The following TG variants were observed in gnomAD, a reference collection of about 807,000 sequenced individuals.
TG encodes thyroglobulin.
A neutral mutation model predicts 324.7 loss-of-function variants in TG; 270 were observed. The ratio of observed to expected loss-of-function variants is 0.83; its 90% CI spans 0.75 to 0.92. The LOEUF (loss-of-function observed/expected upper bound fraction) is 0.92. Among genes scored for constraint, TG ranks in the 40% least tolerant of loss-of-function variants. TG has a pLI of 0.00. For missense variants in TG, 3,591 were observed against 3,456.4 expected, an observed-to-expected ratio of 1.04 and a Z score of -0.98; for synonymous variants, 1,401 against 1,327.0, an observed-to-expected ratio of 1.06 and a Z score of -1.21.
chr8:133,081,834 G>T (rs1404538529), intron 41 of TG, among the ~76,000 whole-genome samples: 2 of 152,194 alleles, frequency 1.3e-5, no homozygotes, highest in Non-Finnish European at 2.9e-5. Flanking sequence ...TGCTTGCTTT[G>T]CTCACTTCCT....
rs192720102 is a variant in TG at position 133,102,623 on chromosome 8, C to G, written c.7572+6250C>G. The G allele has an allele frequency of 4.2e-5, 63 of 1,509,536 alleles. No homozygotes were observed. In the East Asian group the frequency reaches 9.8e-4, roughly 24 times the overall value. The allele number at this position is 1,509,536 out of a possible 1,614,324, so 93.5% of individuals were successfully genotyped here. On this transcript the variant is annotated intron_variant, in intron 43 of 47. Transcript: ENST00000220616. ...ATGATCTTATTTTCTGAAGTAGCAG[C>G]TTTCTATTGAAATTCTTCATCAGTC...
At chr8:133,024,642 T>C (rs1339856853) in intron 40 of TG, among the ~76,000 whole-genome samples, 2 of 151,902 alleles carry the variant, frequency 1.3e-5, no homozygotes, top group Non-Finnish European at 2.9e-5. Flanking sequence ...CTCCCACTTA[T>C]GAATGAGAAC....
intron 35 of TG, among the ~76,000 whole-genome samples, chr8:132,998,051 G>A (rs1833047768): frequency 6.6e-6 from 1 of 152,170 alleles, no homozygotes; most frequent in South Asian, 2.1e-4. Flanking sequence ...GAGTGGGGCT[G>A]GGTTGGGGGT....
chr8:132,968,144 C>G (rs1828901679), intron 31 of TG, among the ~76,000 whole-genome samples, 174 bp downstream of exon 31: 1 of 152,102 alleles, frequency 6.6e-6, no homozygotes, highest in South Asian at 2.1e-4. Context: ...CAATAAACTA[C>G]TACGTAATTG....
In TG at chr8:133,055,824, C is replaced by CCAGCAGCAG. The variant is rs36210010; in HGVS notation, c.7239+25841_7239+25849dup. ...ATTCCCTTCCTCCCCCTCCTCATCA[C>CCAGCAGCAG]CAGCAGCAGCAGCAGCAGCAGCAGC... On this transcript the variant is annotated intron_variant, in intron 41 of 47. Transcript: ENST00000220616. Among the ~76,000 whole-genome samples the CCAGCAGCAG allele has an allele frequency of 7.0e-4, 105 of 150,882 alleles. No individual in the cohort carries two copies. In the South Asian group the frequency reaches 0.016, roughly 24 times the overall value.
intron 17 of TG, among the ~76,000 whole-genome samples, chr8:132,907,895 A>G (rs778386763): frequency 2.0e-5 from 3 of 152,296 alleles, no homozygotes; most frequent in South Asian, 2.1e-4. Context: ...CCCTGTCTGT[A>G]TGCAAGATGG....
chr8:133,075,713 G>A (rs1844765770), intron 41 of TG, among the ~76,000 whole-genome samples: 1 of 152,066 alleles, frequency 6.6e-6, no homozygotes, highest in Non-Finnish European at 1.5e-5. Context: ...AGTTATTGTG[G>A]TTTCTGCCAT....
At chr8:132,913,342 G>C in intron 20 of TG, 77 bp downstream of exon 20, 1 of 1,451,532 alleles carries the variant, frequency 6.9e-7, no homozygotes, top group Non-Finnish European at 9.6e-7. Context: ...GCACTGGAGA[G>C]AGGCTACTCT....
rs559940617 is a variant in TG, at chr8:133,111,784, A to G, written c.7573-1638A>G. On this transcript the variant is annotated intron_variant, in intron 43 of 47. Transcript: ENST00000220616. ...TCGCTGATATGATGAATATTCACAG[A>G]TTCACCATTCAGATCTCCCAATTTC... Among the ~76,000 whole-genome samples, 3 of 152,366 alleles carry G rather than the reference A, an allele frequency of 2.0e-5. No homozygotes were observed. The East Asian group carries it at 5.8e-4, about 29-fold the overall frequency.
At chr8:132,958,633 G>T (rs1827294053) in intron 27 of TG, among the ~76,000 whole-genome samples, 1 of 151,774 alleles carries the variant, frequency 6.6e-6, no homozygotes, top group Non-Finnish European at 1.5e-5. Context: ...CAGGAGAATT[G>T]CTTGAACCTG....
rs192822111 is a variant in TG at position 132,958,050 on chromosome 8, A to G, written c.5402-2958A>G. 4.4e-4 allele frequency among the ~76,000 whole-genome samples: 67 copies of G among 152,182 alleles called. 1 individual carries two copies. Among genetic ancestry groups the G allele is most frequent in the Non-Finnish European group, 7.8e-4 (53 of 67,998 alleles). On this transcript the variant is annotated intron_variant, in intron 27 of 47. Transcript: ENST00000220616. ...GAGAACATCTGATGTTTGGTTTTTCATCCCTGAGTTACTTCACTTAGAATA... is the reference window on the plus strand; with the variant it reads ...GAGAACATCTGATGTTTGGTTTTTCGTCCCTGAGTTACTTCACTTAGAATA...
intron 41 of TG, among the ~76,000 whole-genome samples, chr8:133,074,000 G>A (rs1192689861): frequency 6.6e-6 from 1 of 152,026 alleles, no homozygotes; most frequent in Non-Finnish European, 1.5e-5. Context: ...ACACCCCCAT[G>A]CACAGCCCCA....
chr8:132,913,966 G>C (rs1038196863), intron 20 of TG, among the ~76,000 whole-genome samples: 3 of 152,194 alleles, frequency 2.0e-5, no homozygotes, highest in African/African-American at 7.2e-5. Flanking sequence ...TCTTGAGGTT[G>C]TCTATATTTC....
intron 2 of TG, among the ~76,000 whole-genome samples, chr8:132,868,568 T>A (rs948296038): frequency 1.3e-5 from 2 of 152,112 alleles, no homozygotes; most frequent in Non-Finnish European, 2.9e-5. Context: ...TGTCAAATGA[T>A]CTGTGCTTTG....
chr8:133,002,962 A>G (rs923829955), intron 35 of TG: 1 of 1,017,750 alleles, frequency 9.8e-7, no homozygotes. Flanking sequence ...GATGCCTACC[A>G]TATCACCTTT....
At chr8:132,880,951 A>G (rs536090102) in intron 5 of TG, among the ~76,000 whole-genome samples, 3 of 152,348 alleles carry the variant, frequency 2.0e-5, no homozygotes, top group East Asian at 1.9e-4. Context: ...TAGATTGCAC[A>G]GCAATTGGCC....
intron 41 of TG, among the ~76,000 whole-genome samples, chr8:133,072,196 A>G (rs1182748069): frequency 6.6e-6 from 1 of 152,222 alleles, no homozygotes; most frequent in African/African-American, 2.4e-5. Flanking sequence ...GCGAAGTGTG[A>G]CTTTGCAAAG....
At chr8:132,989,443 G>C (rs1345505749) in intron 35 of TG, among the ~76,000 whole-genome samples, 1 of 152,230 alleles carries the variant, frequency 6.6e-6, no homozygotes, top group Non-Finnish European at 1.5e-5. Flanking sequence ...AGCACAGGTT[G>C]CTGCTGGCAG....
chr8:132,948,078 G>C (rs923911600), intron 26 of TG, among the ~76,000 whole-genome samples: 2 of 152,192 alleles, frequency 1.3e-5, no homozygotes, highest in Non-Finnish European at 2.9e-5. Context: ...TGGACACACA[G>C]TCTCTGCTTG....
Sources: gnomAD v4.1 joint callset for allele counts (sites outside exome capture counted in the v4.1 genomes callset) on GRCh38, gnomAD v4.1.1 for gene constraint, MANE v1.5 for transcripts, NCBI Gene and HGNC (gene_info 2026-07-23, HGNC 2026-07-21) for gene names.